The following PCDH9 variants were observed in gnomAD, a reference collection of about 807,000 sequenced individuals.
PCDH9 encodes the protein protocadherin 9, also known as protocadherin-9.
In PCDH9, 24 loss-of-function variants were observed where a neutral mutation model predicts 70.6. That is an observed-to-expected ratio of 0.34 (90% confidence interval 0.25 to 0.48). The LOEUF (loss-of-function observed/expected upper bound fraction) is 0.48, where lower values mean the gene tolerates loss of function less well. Among genes scored for constraint, PCDH9 ranks in the 20% least tolerant of loss-of-function variants. PCDH9 has a pLI of 0.99. For synonymous variants in PCDH9, 562 were observed against 558.5 expected, an observed-to-expected ratio of 1.01 and a Z score of -0.09; for missense variants, 1,281 against 1,503.6, an observed-to-expected ratio of 0.85 and a Z score of 2.45.
chr13:66,668,171 T>A lies in PCDH9; in HGVS notation c.3139-36760A>T, dbSNP rs555105941. ...TTCATGTGATCTGAGTAAGGCAGAT[T>A]CATGTGATCATTTTTCTGTCTCTTT... On this transcript the variant is annotated intron_variant, in intron 3 of 4. Transcript: ENST00000377865. Among the ~76,000 whole-genome samples the A allele has an allele frequency of 3.9e-5, 6 of 152,298 alleles. No homozygotes were observed. The South Asian group carries it at 6.2e-4, about 16-fold the overall frequency.
intron 4 of PCDH9, among the ~76,000 whole-genome samples, chr13:66,422,374 T>C (rs1957583288): frequency 6.6e-6 from 1 of 152,096 alleles, no homozygotes; most frequent in Non-Finnish European, 1.5e-5. Flanking sequence ...CAGCACCACA[T>C]AGCACTTACT....
chr13:66,507,864 G>T (rs1448848955), intron 4 of PCDH9, among the ~76,000 whole-genome samples: 2 of 152,064 alleles, frequency 1.3e-5, no homozygotes, highest in Non-Finnish European at 2.9e-5. Context: ...TGGGACTACT[G>T]GTGTGTGCCC....
At chr13:66,679,528 T>C (rs950953007) in intron 3 of PCDH9, among the ~76,000 whole-genome samples, 1 of 151,902 alleles carries the variant, frequency 6.6e-6, no homozygotes, top group African/African-American at 2.4e-5. Context: ...CCTTCTCATG[T>C]GTGTTTAATT....
chr13:66,706,287 C>T (rs2078710338), intron 3 of PCDH9, among the ~76,000 whole-genome samples: 2 of 152,166 alleles, frequency 1.3e-5, no homozygotes, highest in African/African-American at 4.8e-5. Context: ...AGACACTAGG[C>T]TAGATTCATA....
chr13:66,409,969 AG>A (rs1463053811), intron 4 of PCDH9, among the ~76,000 whole-genome samples: 33 of 152,236 alleles, frequency 2.2e-4, no homozygotes, highest in Admixed American at 2.1e-3. Flanking sequence ...AGTGAGAAGC[AG>A]CAGCAGGAAA....
intron 4 of PCDH9, among the ~76,000 whole-genome samples, chr13:66,309,316 T>A (rs1338216117): frequency 6.6e-6 from 1 of 152,062 alleles, no homozygotes; most frequent in Admixed American, 6.6e-5. Flanking sequence ...TATATGTTTT[T>A]TCAAAATTCC....
chr13:67,013,264 A>AACACAC (rs111347560), intron 2 of PCDH9, among the ~76,000 whole-genome samples: 22,565 of 144,312 alleles, frequency 0.16, 1,793 homozygotes, highest in Admixed American at 0.21. Flanking sequence ...TTTTTAATGT[A>AACACAC]ACACACACAC....
At chr13:66,659,565 G>GTGTGT (rs1555318268) in intron 3 of PCDH9, among the ~76,000 whole-genome samples, 2 of 151,652 alleles carry the variant, frequency 1.3e-5, no homozygotes, top group Non-Finnish European at 2.9e-5. Context: ...GTGTGTGTTT[G>GTGTGT]GTAGAACAAG....
intron 2 of PCDH9, among the ~76,000 whole-genome samples, chr13:67,165,798 T>C (rs1034771108): frequency 2.0e-5 from 3 of 152,202 alleles, no homozygotes; most frequent in Non-Finnish European, 4.4e-5. Context: ...TCCTTGTGAA[T>C]TTGAAAAGGA....
intron 3 of PCDH9, among the ~76,000 whole-genome samples, chr13:66,638,057 G>C (rs1317866749): frequency 2.0e-5 from 3 of 152,010 alleles, no homozygotes; most frequent in Non-Finnish European, 4.4e-5. Flanking sequence ...CAATATAAAG[G>C]TATTAGCATT....
intron 2 of PCDH9, among the ~76,000 whole-genome samples, chr13:67,197,743 T>G (rs1244582112): frequency 2.0e-5 from 3 of 151,960 alleles, no homozygotes; most frequent in African/African-American, 7.2e-5. Context: ...CGATAACCAT[T>G]TATATGCTTA....
intron 3 of PCDH9, among the ~76,000 whole-genome samples, chr13:66,811,652 C>T (rs1321547602): frequency 6.7e-6 from 1 of 149,758 alleles, no homozygotes; most frequent in African/African-American, 2.5e-5. Context: ...TGCCTTCCTG[C>T]CTGCCTAACC....
chr13:66,603,509 A>G (rs2077187019), intron 4 of PCDH9, among the ~76,000 whole-genome samples: 1 of 152,020 alleles, frequency 6.6e-6, no homozygotes, highest in Non-Finnish European at 1.5e-5. Context: ...GTAAAATCAT[A>G]AAACATTCAT....
chr13:66,582,239 T>C (rs2076902461), intron 4 of PCDH9, among the ~76,000 whole-genome samples: 1 of 152,166 alleles, frequency 6.6e-6, no homozygotes, highest in African/African-American at 2.4e-5. Context: ...CTTTACTAGA[T>C]AGCACCCATG....
At chr13:66,776,519 C>G (rs2079896414) in intron 3 of PCDH9, among the ~76,000 whole-genome samples, 3 of 151,546 alleles carry the variant, frequency 2.0e-5, no homozygotes, top group Admixed American at 2.0e-4. Flanking sequence ...TGAGTGAACT[C>G]CCATTCACAA....
chr13:67,223,641 C>T (rs1030134794), intron 2 of PCDH9: 4 of 151,822 alleles, frequency 2.6e-5, no homozygotes, highest in African/African-American at 7.3e-5. Flanking sequence ...TTTTAAAAAC[C>T]TTTACTAAGA....
chr13:66,894,665 GATA>G (rs1407444037), intron 3 of PCDH9, among the ~76,000 whole-genome samples: 1 of 152,112 alleles, frequency 6.6e-6, no homozygotes, highest in Non-Finnish European at 1.5e-5. Flanking sequence ...CATAGAGCAT[GATA>G]ATATTACTAA....
intron 3 of PCDH9, among the ~76,000 whole-genome samples, chr13:66,661,906 C>T (rs1294522885): frequency 2.0e-5 from 3 of 152,132 alleles, no homozygotes; most frequent in Admixed American, 6.5e-5. Context: ...CCACGCTTTA[C>T]GAAATCATCA....
intron 4 of PCDH9, among the ~76,000 whole-genome samples, chr13:66,447,338 A>G (rs1293312048): frequency 3.3e-5 from 5 of 152,062 alleles, no homozygotes; most frequent in Admixed American, 3.3e-4. Flanking sequence ...TGAGTCTAAT[A>G]TTAGGCTTAT....
Sources: gnomAD v4.1 joint callset for allele counts (sites outside exome capture counted in the v4.1 genomes callset) on GRCh38, gnomAD v4.1.1 for gene constraint, MANE v1.5 for transcripts, NCBI Gene and HGNC (gene_info 2026-07-23, HGNC 2026-07-21) for gene names.